The following SND1 variants were observed in gnomAD, a reference collection of about 807,000 sequenced individuals.
SND1 encodes the protein staphylococcal nuclease and tudor domain containing 1, also known as staphylococcal nuclease domain-containing protein 1.
SND1 carries 38 observed loss-of-function variants against 121.7 expected under a neutral mutation model. The ratio of observed to expected loss-of-function variants is 0.31; its 90% CI spans 0.24 to 0.41. The LOEUF (loss-of-function observed/expected upper bound fraction) is 0.41, where lower values mean the gene tolerates loss of function less well. Ranked by LOEUF, SND1 falls within the 10% of genes least tolerant of loss-of-function variation. The pLI, the probability that SND1 is intolerant of heterozygous loss-of-function variation, is 1.00. For synonymous variants in SND1, 401 were observed against 447.4 expected (o/e 0.90, Z 1.31); for missense variants, 868 against 1,184.6 (o/e 0.73, Z 3.92).
intron 1 of SND1, among the ~76,000 whole-genome samples, chr7:127,678,891 C>T (rs1438635124): frequency 2.0e-5 from 3 of 152,124 alleles, no homozygotes; most frequent in East Asian, 3.9e-4. Context: ...ACTTTGCCTC[C>T]TCTTTTTACA....
intron 10 of SND1, among the ~76,000 whole-genome samples, chr7:127,724,934 A>T (rs1464318821): frequency 1.3e-5 from 2 of 152,122 alleles, no homozygotes; most frequent in Non-Finnish European, 2.9e-5. Flanking sequence ...GTCCTTCTTT[A>T]TACTTGCCTT....
intron 10 of SND1, among the ~76,000 whole-genome samples, chr7:127,760,608 AG>A (rs1395517446): frequency 6.6e-6 from 1 of 152,234 alleles, no homozygotes; most frequent in Non-Finnish European, 1.5e-5. Flanking sequence ...AAGAAAGATT[AG>A]TTATGAAGTT....
chr7:127,698,957 A>C lies in SND1; in HGVS notation c.428+4A>C. ...GAGAAGGCATGAGAGCTAATAAGTAAGTATTCATTACTCCGCTGTCTCTCT... is the reference window on the plus strand; with the variant it reads ...GAGAAGGCATGAGAGCTAATAAGTACGTATTCATTACTCCGCTGTCTCTCT... On this transcript the variant is annotated splice_donor_region_variant and intron_variant, in intron 4 of 23. Coordinates refer to ENST00000354725, the MANE Select transcript of SND1 (RefSeq NM_014390.4). 1 of 1,610,602 alleles carries C rather than the reference A, an allele frequency of 6.2e-7. No homozygotes were observed. Among genetic ancestry groups the C allele is most frequent in the South Asian group, 1.1e-5 (1 of 90,986 alleles).
At chr7:128,057,548 G>A (rs1793162888) in intron 16 of SND1, among the ~76,000 whole-genome samples, 2 of 152,038 alleles carry the variant, frequency 1.3e-5, no homozygotes, top group Admixed American at 6.6e-5. Context: ...ACATTCTCAG[G>A]GTCCAAGGTG....
chr7:127,997,710 A>G (rs756234975), intron 16 of SND1: 4 of 532,322 alleles, frequency 7.5e-6, no homozygotes, highest in African/African-American at 5.8e-5. Flanking sequence ...CACCACCCCC[A>G]CTCACTTCGT....
intron 3 of SND1, among the ~76,000 whole-genome samples, chr7:127,697,317 T>C (rs534105125): frequency 1.3e-5 from 2 of 152,324 alleles, no homozygotes; most frequent in Non-Finnish European, 2.9e-5. Context: ...CAGGGGAAGA[T>C]ACTTTTCTCC....
rs144122605 is a variant in SND1 at position 127,904,764 on chromosome 7, A to G, written c.1472A>G (p.Lys491Arg). ...CTTAACAGAGCTATTAAGAATGGCAAAGGATTGCATAGCAAGAAGGAAGTG... is the reference window on the plus strand; with the variant it reads ...CTTAACAGAGCTATTAAGAATGGCAGAGGATTGCATAGCAAGAAGGAAGTG... The part of the protein sequence containing the change: ...AAEARAIKNG[K>R]GLHSKKEVPI... The change falls in exon 14 of 24, where the codon AAA (lysine) becomes AGA (arginine). Residue 491 changes from lysine (K) to arginine (R), a missense_variant. Transcript: ENST00000354725. The G allele has an allele frequency of 1.8e-4, 289 of 1,611,002 alleles. 1 individual carries two copies. In the Middle Eastern group the frequency reaches 2.1e-3, roughly 12 times the overall value.
chr7:127,653,761 A>G (rs548299072), intron 1 of SND1, among the ~76,000 whole-genome samples: 29 of 152,310 alleles, frequency 1.9e-4, no homozygotes, highest in Non-Finnish European at 3.8e-4. Context: ...CTCATTTCTT[A>G]AGGTAATAGT....
At chr7:127,817,556 A>G (rs11773160) in intron 11 of SND1, among the ~76,000 whole-genome samples, 23,358 of 152,042 alleles carry the variant, frequency 0.15, 1,829 homozygotes, top group South Asian at 0.24. Context: ...ATATAATAAA[A>G]AGCAAAGGAA....
chr7:127,890,098 C>T (rs1471639928), intron 13 of SND1, among the ~76,000 whole-genome samples: 1 of 152,008 alleles, frequency 6.6e-6, no homozygotes, highest in Non-Finnish European at 1.5e-5. Flanking sequence ...CTTGAAGATC[C>T]TCCAAACTTT....
At position 128,081,345 on chromosome 7, in the gene SND1, C is replaced by A; in HGVS notation, c.1969-15C>A. The stretch of plus-strand genomic sequence containing the variant: ...TTCCTCGCCCTCTTCTCACCTCTGC[C>A]GACTGAACATGCAGGTCTGGGCCCA... On this transcript the variant is annotated splice_polypyrimidine_tract_variant and intron_variant, in intron 17 of 23. Coordinates refer to ENST00000354725, the MANE Select transcript of SND1 (RefSeq NM_014390.4). 1 of 1,613,842 alleles carries A rather than the reference C, an allele frequency of 6.2e-7. No individual in the cohort carries two copies. The highest frequency in any genetic ancestry group is 8.5e-7 in the Non-Finnish European group (1 of 1,179,904).
intron 14 of SND1, among the ~76,000 whole-genome samples, chr7:127,909,941 AT>A (rs1800419334): frequency 6.6e-6 from 1 of 152,124 alleles, no homozygotes; most frequent in African/African-American, 2.4e-5. Flanking sequence ...TAAGAAATAG[AT>A]TGGTAGACAG....
chr7:127,845,313 C>T (rs895475829), intron 12 of SND1, among the ~76,000 whole-genome samples: 5 of 152,230 alleles, frequency 3.3e-5, no homozygotes, highest in Admixed American at 2.6e-4. Flanking sequence ...TCACCTCATT[C>T]GTGCTTTCAC....
chr7:127,901,388 T>C (rs138412263), intron 13 of SND1, among the ~76,000 whole-genome samples: 1 of 152,282 alleles, frequency 6.6e-6, no homozygotes, highest in Non-Finnish European at 1.5e-5. Flanking sequence ...CCCCAGATAC[T>C]CTTTCGTGGA....
chr7:128,045,397 C>A (rs969994702), intron 16 of SND1, among the ~76,000 whole-genome samples: 3 of 152,186 alleles, frequency 2.0e-5, no homozygotes, highest in African/African-American at 7.2e-5. Flanking sequence ...CCTGTCAGTT[C>A]TTATTAGACA....
At chr7:127,845,650 A>T (rs1563033309) in intron 12 of SND1, among the ~76,000 whole-genome samples, 1 of 152,194 alleles carries the variant, frequency 6.6e-6, no homozygotes, top group Non-Finnish European at 1.5e-5. Context: ...TTAGTATTCT[A>T]TCTAAATATT....
intron 13 of SND1, among the ~76,000 whole-genome samples, chr7:127,903,901 C>A (rs1354304113): frequency 6.6e-6 from 1 of 152,188 alleles, no homozygotes; most frequent in Non-Finnish European, 1.5e-5. Context: ...GGGAACATCC[C>A]CTAATCTCTA....
Position 127,816,559 on chromosome 7 carries a change from A to G in SND1, c.1242+8986A>G, listed in dbSNP as rs1798444970. On this transcript the variant is annotated intron_variant, in intron 11 of 23. Coordinates refer to ENST00000354725, the MANE Select transcript of SND1 (RefSeq NM_014390.4). ...TAGTTGGTGTGCTTATTTTCTTTAG[A>G]ACTCAGTCCCTGAAGCTTTGGTCAT... Among the ~76,000 whole-genome samples, 3 of 152,118 alleles carry G rather than the reference A, an allele frequency of 2.0e-5. No individual in the cohort carries two copies. The South Asian group carries it at 6.2e-4, about 32-fold the overall frequency.
At chr7:127,830,059 T>C (rs325448) in intron 11 of SND1, among the ~76,000 whole-genome samples, 8,389 of 152,254 alleles carry the variant, frequency 0.055, 673 homozygotes, top group African/African-American at 0.17. Flanking sequence ...ATAGTAAATC[T>C]GTATGTTAAT....
Sources: allele counts gnomAD v4.1 joint callset (sites outside exome capture counted in the v4.1 genomes callset), GRCh38; gene constraint gnomAD v4.1.1; transcripts MANE v1.5; gene names NCBI Gene and HGNC (gene_info 2026-07-23, HGNC 2026-07-21).